Variants in LINC00305 observed in about 807,000 individuals in gnomAD.
The protein encoded by LINC00305 is long independently transcribed non-coding RNA 305, also known as long intergenic non-protein coding RNA 305.
At chr18:64,092,535 C>CT (rs1327455753) in intron 3 of LINC00305, among the ~76,000 whole-genome samples, 1 of 152,248 alleles carries the variant, frequency 6.6e-6, no homozygotes, top group African/African-American at 2.4e-5. Flanking sequence ...GCACTCTAGT[C>CT]TGAGTGACAG....
intron 1 of LINC00305, among the ~76,000 whole-genome samples, chr18:64,148,038 G>A (rs944224802): frequency 1.3e-5 from 2 of 151,900 alleles, no homozygotes; most frequent in African/African-American, 4.8e-5. Flanking sequence ...GCTGACCATG[G>A]GGCCCCTAGG....
At chr18:64,113,691 A>C (rs986036760) in intron 1 of LINC00305, among the ~76,000 whole-genome samples, 3 of 152,170 alleles carry the variant, frequency 2.0e-5, no homozygotes, top group African/African-American at 4.8e-5. Context: ...CAGGGAAAGG[A>C]TGGCCAGTAA....
intron 1 of LINC00305, among the ~76,000 whole-genome samples, chr18:64,141,640 G>T (rs1335335755): frequency 6.6e-6 from 1 of 152,118 alleles, no homozygotes; most frequent in Non-Finnish European, 1.5e-5. Flanking sequence ...TGTGTATGTG[G>T]TAAAAAAGTC....
chr18:64,089,655 A>G (rs979527398), intron 3 of LINC00305, among the ~76,000 whole-genome samples: 1 of 152,220 alleles, frequency 6.6e-6, no homozygotes, highest in African/African-American at 2.4e-5. Flanking sequence ...GCTGATAAAG[A>G]CATACCCAAG....
At chr18:64,143,889 T>TAC (rs1284804783) in intron 1 of LINC00305, among the ~76,000 whole-genome samples, 1 of 151,948 alleles carries the variant, frequency 6.6e-6, no homozygotes, top group Non-Finnish European at 1.5e-5. Context: ...CATGTATATA[T>TAC]ACACACACAC....
At chr18:64,133,064 T>A (rs2051417152) in intron 1 of LINC00305, among the ~76,000 whole-genome samples, 1 of 152,200 alleles carries the variant, frequency 6.6e-6, no homozygotes. Flanking sequence ...CTGTTGTCAC[T>A]GTTGCCAATT....
chr18:64,097,338 A>T (rs1272937284), intron 3 of LINC00305, among the ~76,000 whole-genome samples: 1 of 152,100 alleles, frequency 6.6e-6, no homozygotes, highest in Non-Finnish European at 1.5e-5. Context: ...TTTTGTAAAA[A>T]CCAAAGAGTC....
intron 1 of LINC00305, among the ~76,000 whole-genome samples, chr18:64,120,392 T>C (rs1443695069): frequency 6.6e-6 from 1 of 152,150 alleles, no homozygotes; most frequent in Non-Finnish European, 1.5e-5. Flanking sequence ...TTCAGATTAA[T>C]GATCTCCTTA....
chr18:64,143,552 T>TG (rs564184468), intron 1 of LINC00305, among the ~76,000 whole-genome samples: 2,350 of 26,052 alleles, frequency 0.09, 122 homozygotes, highest in Non-Finnish European at 0.14. Flanking sequence ...TGTACACATA[T>TG]TATGTGTACA....
At chr18:64,137,141 C>T (rs2051438566) in intron 1 of LINC00305, among the ~76,000 whole-genome samples, 1 of 152,114 alleles carries the variant, frequency 6.6e-6, no homozygotes, top group Non-Finnish European at 1.5e-5. Flanking sequence ...AATCTGGACA[C>T]ACAGACACAA....
intron 3 of LINC00305, among the ~76,000 whole-genome samples, chr18:64,096,978 G>A (rs1414756273): frequency 1.3e-5 from 2 of 151,564 alleles, no homozygotes; most frequent in South Asian, 2.1e-4. Context: ...TTTTTAAATA[G>A]CATTTTAAAA....
chr18:64,134,143 T>C (rs1275600084), intron 1 of LINC00305, among the ~76,000 whole-genome samples: 5 of 152,206 alleles, frequency 3.3e-5, no homozygotes, highest in Admixed American at 6.5e-5. Flanking sequence ...TCAAGCATCC[T>C]GTGATACTGT....
At chr18:64,080,528 C>A (rs904619054) in intron 3 of LINC00305, 1 of 233,772 alleles carries the variant, frequency 4.3e-6, no homozygotes, top group African/African-American at 2.3e-5. Flanking sequence ...AAAACAAATT[C>A]TACTTGCAGG....
intron 3 of LINC00305, among the ~76,000 whole-genome samples, chr18:64,084,280 T>G (rs1189779003): frequency 1.3e-5 from 2 of 152,166 alleles, no homozygotes; most frequent in African/African-American, 2.4e-5. Context: ...TTTTTATCCT[T>G]TCTAACCCCA....
intron 3 of LINC00305, among the ~76,000 whole-genome samples, chr18:64,089,877 G>C (rs2051218304): frequency 6.6e-6 from 1 of 152,128 alleles, no homozygotes; most frequent in Admixed American, 6.5e-5. Flanking sequence ...GAACAGCATG[G>C]GAAAGACCTG....
chr18:64,093,398 G>A (rs1178680057), intron 3 of LINC00305, among the ~76,000 whole-genome samples: 1 of 152,056 alleles, frequency 6.6e-6, no homozygotes, highest in African/African-American at 2.4e-5. Context: ...ACAGTGGTGC[G>A]ATCTTGGCTC....
At chr18:64,080,454 T>C in intron 3 of LINC00305, 1 of 353,020 alleles carries the variant, frequency 2.8e-6, no homozygotes, top group South Asian at 2.2e-5. Context: ...GAGTTTAAAC[T>C]TGATCAAATG....
intron 1 of LINC00305, among the ~76,000 whole-genome samples, chr18:64,132,217 T>C (rs2051412802): frequency 1.3e-5 from 2 of 152,324 alleles, no homozygotes; most frequent in Non-Finnish European, 1.5e-5. Flanking sequence ...AAGAAAAACA[T>C]CATTTTAAGT....
At chr18:64,080,318 C>CT (rs1341158824) in exon 4 of LINC00305, 1 of 457,574 alleles carries the variant, frequency 2.2e-6, no homozygotes, top group South Asian at 1.5e-5. Flanking sequence ...ATCTCCTTTC[C>CT]TCTTCTCTTT....
Sources: allele counts gnomAD v4.1 joint callset (sites outside exome capture counted in the v4.1 genomes callset), GRCh38; gene constraint gnomAD v4.1.1; transcripts MANE v1.5; gene names NCBI Gene and HGNC (gene_info 2026-07-23, HGNC 2026-07-21).